Variants in RASD2 observed in about 807,000 individuals in gnomAD.
RASD2 encodes the protein RASD family member 2, also known as GTP-binding protein Rhes.
In RASD2, 7 loss-of-function variants were observed where a neutral mutation model predicts 15.8. The ratio of observed to expected loss-of-function variants is 0.44; its 90% CI spans 0.25 to 0.83. RASD2 has a LOEUF of 0.83. Among genes scored for constraint, RASD2 ranks in the 40% least tolerant of loss-of-function variants. The probability of loss-of-function intolerance (pLI) is 0.20; values close to 1 mark genes in which losing one functional copy is unlikely to be tolerated. For synonymous variants in RASD2, 155 were observed against 153.6 expected, an observed-to-expected ratio of 1.01 and a Z score of -0.07; for missense variants, 274 against 382.8, an observed-to-expected ratio of 0.72 and a Z score of 2.37.
chr22:35,537,949 CT>C (rs34411242), upstream of RASD2, among the ~76,000 whole-genome samples: 68,387 of 140,454 alleles, frequency 0.49, 17,002 homozygotes, highest in Non-Finnish European at 0.57. Flanking sequence ...GACTTTATAT[CT>C]TTTTTTTTTT....
Position 35,552,176 on chromosome 22 carries a change from C to A in RASD2, c.*144C>A. 1 of 1,071,776 alleles carries A rather than the reference C, an allele frequency of 9.3e-7. No homozygotes were observed. The highest frequency in any genetic ancestry group is 1.3e-6 in the Non-Finnish European group (1 of 766,484). 66.4% of individuals were successfully genotyped at this position (1,071,776 alleles called of 1,614,324 possible). ...CAGACTGGAGGCCCCCGGGCGCTGG[C>A]CTCCGCACATTCGTCTGCCTTCTCA... On this transcript the variant is annotated 3_prime_UTR_variant, in exon 3 of 3. Coordinates refer to ENST00000216127, the MANE Select transcript of RASD2 (RefSeq NM_014310.4).
chr22:35,542,583 G>A (rs1384000289), intron 1 of RASD2, among the ~76,000 whole-genome samples: 1 of 152,232 alleles, frequency 6.6e-6, no homozygotes, highest in Non-Finnish European at 1.5e-5. Flanking sequence ...CAAGCTCCCG[G>A]ACTCTCAGAG....
chr22:35,545,266 A>G (rs1450435573), intron 1 of RASD2, among the ~76,000 whole-genome samples: 2 of 152,142 alleles, frequency 1.3e-5, no homozygotes, highest in African/African-American at 2.4e-5. Flanking sequence ...TCCAGTGGCC[A>G]TCTCAGACCT....
At chr22:35,539,099 C>T (rs1028616758), upstream of RASD2, among the ~76,000 whole-genome samples, 2 of 152,242 alleles carry the variant, frequency 1.3e-5, no homozygotes, top group African/African-American at 2.4e-5. Flanking sequence ...CTCTGGTTAA[C>T]TTTCCTGGAG....
Position 35,551,885 on chromosome 22 carries a change from C to T in RASD2, c.654C>T (p.Cys218=), listed in dbSNP as rs1306446067. 5 of 1,613,552 alleles carry T rather than the reference C, an allele frequency of 3.1e-6. No homozygotes were observed. The highest frequency in any genetic ancestry group is 4.2e-6 in the Non-Finnish European group (5 of 1,180,048). The change falls in exon 3 of 3, where the codon TGC becomes TGT. Residue 218 remains cysteine, a synonymous_variant. Coordinates refer to ENST00000216127, the MANE Select transcript of RASD2 (RefSeq NM_014310.4). The surrounding 1 kb of genome is among the most constrained non-coding windows in gnomAD (Gnocchi z 4.9). ...ACGCCTTCCACCCCAGGCCCTTCTG[C>T]ATGCGCCGCGTCAAGGAGATGGACG... ...YGDAFHPRPF[C]MRRVKEMDAY...
At chr22:35,538,974 T>C (rs555598618), upstream of RASD2, among the ~76,000 whole-genome samples, 24 of 152,332 alleles carry the variant, frequency 1.6e-4, no homozygotes, top group African/African-American at 5.0e-4. Context: ...TCCTGCCACT[T>C]GCCACCAGGT....
At chr22:35,543,753 T>C (rs1934414756) in intron 1 of RASD2, among the ~76,000 whole-genome samples, 1 of 152,082 alleles carries the variant, frequency 6.6e-6, no homozygotes, top group Non-Finnish European at 1.5e-5. Context: ...TTCCCCACCC[T>C]GATTCCCTGT....
At chr22:35,542,429 A>G (rs961120297) in intron 1 of RASD2, among the ~76,000 whole-genome samples, 1 of 152,230 alleles carries the variant, frequency 6.6e-6, no homozygotes, top group Non-Finnish European at 1.5e-5. Context: ...CTTACCATTA[A>G]CAGAGGAATA....
chr22:35,547,788 G>A (rs1934550423), intron 2 of RASD2, among the ~76,000 whole-genome samples: 1 of 152,118 alleles, frequency 6.6e-6, no homozygotes, highest in South Asian at 2.1e-4. Context: ...CTAATTTTTT[G>A]TATTTTTACT....
chr22:35,533,797 T>A, the RASD2 span, among the ~76,000 whole-genome samples: 1 of 140,576 alleles, frequency 7.1e-6, no homozygotes, highest in Admixed American at 7.2e-5. Flanking sequence ...ATGGGGATGA[T>A]GACAGTGATG....
intron 1 of RASD2, among the ~76,000 whole-genome samples, chr22:35,546,119 G>A (rs1934496440): frequency 6.6e-6 from 1 of 152,086 alleles, no homozygotes; most frequent in Non-Finnish European, 1.5e-5. Flanking sequence ...AAAATATCCG[G>A]GCAGGTCATG....
At chr22:35,536,326 C>CT (rs559627212), upstream of RASD2, among the ~76,000 whole-genome samples, 1,069 of 140,208 alleles carry the variant, frequency 7.6e-3, 5 homozygotes, top group African/African-American at 0.019. Context: ...CAAACCGTCT[C>CT]TTTTTTTTTT....
chr22:35,536,818 G>A (rs986795224), upstream of RASD2, among the ~76,000 whole-genome samples: 20 of 37,500 alleles, frequency 5.3e-4, no homozygotes, highest in African/African-American at 2.6e-3. Context: ...CTGAGATTCT[G>A]CATTTCCAAG....
At position 35,541,463 on chromosome 22, in the gene RASD2, C is replaced by G. The variant is rs1261100144; in HGVS notation, c.-47C>G. The G allele has an allele frequency of 1.3e-5, 2 of 152,250 alleles. No individual in the cohort carries two copies. The highest frequency in any genetic ancestry group is 2.9e-5 in the Non-Finnish European group (2 of 68,076). 9.4% of individuals were successfully genotyped at this position (152,250 alleles called of 1,614,324 possible). Reference sequence around the variant, plus strand: ...CAGCTCCCGGCGCTTCCAGGCAGCTCTCTGAGCCGTGCCAGAGGCCCGGCC... The same window carrying G: ...CAGCTCCCGGCGCTTCCAGGCAGCTGTCTGAGCCGTGCCAGAGGCCCGGCC... On this transcript the variant is annotated 5_prime_UTR_variant, in exon 1 of 3. Transcript: ENST00000216127.
chr22:35,536,761 C>G (rs1352063222), upstream of RASD2, among the ~76,000 whole-genome samples: 3 of 152,194 alleles, frequency 2.0e-5, no homozygotes, highest in Non-Finnish European at 4.4e-5. Flanking sequence ...AACCAGGTGG[C>G]CTGGCCTCAC....
chr22:35,533,874 GTGA>G, the RASD2 span, among the ~76,000 whole-genome samples: 69 of 134,258 alleles, frequency 5.1e-4, 1 homozygote, highest in South Asian at 0.011. Context: ...GATGGTGATG[GTGA>G]TGATGATGAT....
chr22:35,540,177 G>A (rs1934304998), upstream of RASD2, among the ~76,000 whole-genome samples: 2 of 152,056 alleles, frequency 1.3e-5, no homozygotes, highest in Admixed American at 1.3e-4. Context: ...GACCTGGCCG[G>A]GCGCAAGCCG....
At position 35,546,787 on chromosome 22, in the gene RASD2, T is replaced by C. The variant is rs370179510; in HGVS notation, c.-9-14T>C. On this transcript the variant is annotated splice_polypyrimidine_tract_variant and intron_variant, in intron 1 of 2. Transcript: ENST00000216127. ...GGGGGGGCCCTGATGCCTGCTTCTC[T>C]CGCTTTGTTGCAGCCCCGAGCCATG... 24 of 1,609,216 alleles carry C rather than the reference T, an allele frequency of 1.5e-5. No homozygotes were observed. The highest frequency in any genetic ancestry group is 2.7e-5 in the African/African-American group (2 of 74,792).
rs1172517311 is a variant in RASD2, at chr22:35,552,161, GC to G, written c.*134del. On this transcript the variant is annotated 3_prime_UTR_variant, in exon 3 of 3. Transcript: ENST00000216127. ...ACAGACCTTAGGCACCAGACTGGAG[GC>G]CCCCGGGCGCTGGCCTCCGCACATT... 19 of 1,239,578 alleles carry G rather than the reference GC, an allele frequency of 1.5e-5. No homozygotes were observed. The East Asian group carries it at 3.5e-4, about 23-fold the overall frequency. The allele number at this position is 1,239,578 out of a possible 1,614,324, so 76.8% of individuals were successfully genotyped here.
Sources: gnomAD v4.1 joint callset for allele counts (sites outside exome capture counted in the v4.1 genomes callset) on GRCh38, gnomAD v4.1.1 for gene constraint, Gnocchi (gnomAD v3.1) non-coding constraint, MANE v1.5 for transcripts, NCBI Gene and HGNC (gene_info 2026-07-23, HGNC 2026-07-21) for gene names.